Variants in TNFRSF19 observed in about 807,000 individuals in gnomAD.
TNFRSF19 encodes TNF receptor superfamily member 19, also known as tumor necrosis factor receptor superfamily member 19.
Under a neutral mutation model 46.4 loss-of-function variants are expected in TNFRSF19, and 27 were observed. The ratio of observed to expected loss-of-function variants is 0.58; its 90% CI spans 0.43 to 0.80. The LOEUF is 0.80. Among genes scored for constraint, TNFRSF19 ranks in the 30% least tolerant of loss-of-function variants. The pLI, the probability that TNFRSF19 is intolerant of heterozygous loss-of-function variation, is 0.00. For missense variants in TNFRSF19, 511 were observed against 530.8 expected, an observed-to-expected ratio of 0.96 and a Z score of 0.37; for synonymous variants, 204 against 205.0, an observed-to-expected ratio of 1.00 and a Z score of 0.04.
At chr13:23,614,176 A>C (rs1335654842) in intron 3 of TNFRSF19, among the ~76,000 whole-genome samples, 3 of 149,812 alleles carry the variant, frequency 2.0e-5, no homozygotes, top group Non-Finnish European at 4.4e-5. Context: ...CTGACCTTCC[A>C]CCCTTTTCTC....
intron 3 of TNFRSF19, among the ~76,000 whole-genome samples, chr13:23,609,049 A>G (rs1880713885): frequency 6.6e-6 from 1 of 152,154 alleles, no homozygotes; most frequent in African/African-American, 2.4e-5. Context: ...CCCAAGCAGC[A>G]TCTCTTCCCA....
intron 1 of TNFRSF19, among the ~76,000 whole-genome samples, chr13:23,573,481 G>GCC (rs35501008): frequency 0.29 from 42,922 of 146,970 alleles, 6,133 homozygotes; most frequent in South Asian, 0.34. Context: ...TTGTGTGTTT[G>GCC]CCTCTGTGTG....
intron 1 of TNFRSF19, among the ~76,000 whole-genome samples, chr13:23,575,040 T>C (rs1036967819): frequency 2.6e-5 from 4 of 152,232 alleles, no homozygotes; most frequent in African/African-American, 9.6e-5. Context: ...AAAGATAGTT[T>C]TCTCCATCCT....
intron 5 of TNFRSF19, among the ~76,000 whole-genome samples, chr13:23,651,598 T>C (rs1883634570): frequency 6.6e-6 from 1 of 152,212 alleles, no homozygotes; most frequent in Non-Finnish European, 1.5e-5. Context: ...TTAATGCTCA[T>C]TTTATGATAC....
At chr13:23,639,410 A>C (rs1882898418) in intron 5 of TNFRSF19, among the ~76,000 whole-genome samples, 1 of 152,182 alleles carries the variant, frequency 6.6e-6, no homozygotes, top group Non-Finnish European at 1.5e-5. Flanking sequence ...AATTTAAAAA[A>C]AATTTAAATT....
chr13:23,646,782 G>T (rs1883358770), intron 5 of TNFRSF19, among the ~76,000 whole-genome samples: 1 of 152,026 alleles, frequency 6.6e-6, no homozygotes, highest in African/African-American at 2.4e-5. Context: ...TCCATTCCTT[G>T]GGGTATATAC....
intron 5 of TNFRSF19, among the ~76,000 whole-genome samples, chr13:23,649,331 A>G (rs542929000): frequency 5.9e-5 from 9 of 152,220 alleles, no homozygotes; most frequent in African/African-American, 1.7e-4. Context: ...CATTTTATCT[A>G]ATTTGTCCAA....
chr13:23,631,940 G>A (rs1372882653), intron 5 of TNFRSF19, among the ~76,000 whole-genome samples: 2 of 152,178 alleles, frequency 1.3e-5, no homozygotes, highest in Non-Finnish European at 2.9e-5. Flanking sequence ...ATAATGAGAC[G>A]CAGATGAGAT....
chr13:23,576,003 A>G (rs374479385), intron 1 of TNFRSF19, among the ~76,000 whole-genome samples: 1 of 152,344 alleles, frequency 6.6e-6, no homozygotes, highest in Non-Finnish European at 1.5e-5. Flanking sequence ...CAAGATTGTC[A>G]TAGCAATTTT....
chr13:23,571,614 C>T lies in TNFRSF19; in HGVS notation c.-35+766C>T, dbSNP rs867150573. On this transcript the variant is annotated intron_variant, in intron 1 of 9. Coordinates refer to ENST00000248484, the MANE Select transcript of TNFRSF19 (RefSeq NM_148957.4). ...GCTGTTTTAAGTCAAAATTTGCCAA[C>T]TGTTTATGAAAACTATCTGAGTAAT... is the stretch of plus-strand genomic sequence containing the variant. Among the ~76,000 whole-genome samples, 5 of 152,256 alleles carry T rather than the reference C, an allele frequency of 3.3e-5. No individual in the cohort carries two copies. The East Asian group carries it at 7.7e-4, about 23-fold the overall frequency.
At position 23,588,804 on chromosome 13, in the gene TNFRSF19, TTA is replaced by T. The variant is rs575547319; in HGVS notation, c.-34-1344_-34-1343del. On this transcript the variant is annotated intron_variant, in intron 1 of 9. Transcript: ENST00000248484. ...TGAGATATGCCAGCAGGAAAAAAAG[TTA>T]TGACCAAGTAGCTGGAAAAGTGAAA... 2.0e-3 allele frequency among the ~76,000 whole-genome samples: 303 copies of T among 152,320 alleles called. 1 individual carries two copies. Among genetic ancestry groups the T allele is most frequent in the Middle Eastern group, 3.4e-3 (1 of 294 alleles).
intron 2 of TNFRSF19, among the ~76,000 whole-genome samples, chr13:23,593,104 C>G (rs528069930): frequency 2.6e-5 from 4 of 151,618 alleles, no homozygotes; most frequent in Non-Finnish European, 5.9e-5. Context: ...AATGGGATAC[C>G]CTGTTTAGAG....
chr13:23,651,413 A>C (rs973918727), intron 5 of TNFRSF19, among the ~76,000 whole-genome samples: 5 of 152,202 alleles, frequency 3.3e-5, no homozygotes, highest in African/African-American at 1.2e-4. Context: ...TTGCATTTCC[A>C]ATTATGTTGG....
chr13:23,577,966 G>C (rs538760020), intron 1 of TNFRSF19, among the ~76,000 whole-genome samples: 12 of 152,166 alleles, frequency 7.9e-5, no homozygotes, highest in Non-Finnish European at 1.8e-4. Flanking sequence ...GGTGGTGAAG[G>C]AGGTGGTGGG....
At chr13:23,605,676 A>C (rs1880464473) in intron 3 of TNFRSF19, among the ~76,000 whole-genome samples, 1 of 152,206 alleles carries the variant, frequency 6.6e-6, no homozygotes. Context: ...AGGACCTTAA[A>C]TGCACATTAC....
intron 3 of TNFRSF19, among the ~76,000 whole-genome samples, chr13:23,599,955 T>C (rs1239920957): frequency 1.3e-5 from 2 of 152,062 alleles, no homozygotes; most frequent in Admixed American, 6.6e-5. Flanking sequence ...GATGATGACA[T>C]TTTCTTTTCC....
intron 1 of TNFRSF19, among the ~76,000 whole-genome samples, chr13:23,587,037 A>G (rs1878894792): frequency 6.6e-6 from 1 of 151,978 alleles, no homozygotes; most frequent in Non-Finnish European, 1.5e-5. Flanking sequence ...CAAACGGTAA[A>G]AACCCCAGCA....
intron 5 of TNFRSF19, among the ~76,000 whole-genome samples, chr13:23,641,713 C>T (rs143154903): frequency 1.0e-3 from 155 of 152,336 alleles, no homozygotes; most frequent in African/African-American, 3.6e-3. Flanking sequence ...TGTTATATAA[C>T]ATTGCTTGAT....
chr13:23,663,505 G>A (rs542960367), intron 7 of TNFRSF19, among the ~76,000 whole-genome samples: 3 of 152,150 alleles, frequency 2.0e-5, no homozygotes, highest in African/African-American at 7.2e-5. Context: ...TGCCAAATTT[G>A]GGTGTCAGGA....
Sources: allele counts gnomAD v4.1 joint callset (sites outside exome capture counted in the v4.1 genomes callset), GRCh38; gene constraint gnomAD v4.1.1; transcripts MANE v1.5; gene names NCBI Gene and HGNC (gene_info 2026-07-23, HGNC 2026-07-21).